Variants in ELMO1 observed in about 807,000 individuals in gnomAD.
The protein encoded by ELMO1 is engulfment and cell motility protein 1.
ELMO1 carries 26 observed loss-of-function variants against 98.9 expected under a neutral mutation model. The ratio of observed to expected loss-of-function variants is 0.26; its 90% CI spans 0.19 to 0.36. The LOEUF is 0.36. ELMO1 is among the 10% of genes least tolerant of loss of function. The pLI is 1.00. For missense variants in ELMO1, 627 were observed against 935.2 expected (o/e 0.67, Z 4.30); for synonymous variants, 346 against 346.0 (o/e 1.00, Z 0.00).
chr7:37,260,317 T>C (rs1354765716), intron 5 of ELMO1, among the ~76,000 whole-genome samples: 2 of 152,206 alleles, frequency 1.3e-5, no homozygotes, highest in East Asian at 1.9e-4. Context: ...AGGGAGAAGA[T>C]AGGGTGTCGA....
intron 16 of ELMO1, among the ~76,000 whole-genome samples, chr7:36,945,607 C>T (rs1787410115): frequency 6.6e-6 from 1 of 152,178 alleles, no homozygotes; most frequent in Admixed American, 6.5e-5. Context: ...TAGTGGCTCA[C>T]TGTGTTTCCC....
At chr7:37,151,333 C>G (rs1788343438) in intron 13 of ELMO1, among the ~76,000 whole-genome samples, 1 of 152,170 alleles carries the variant, frequency 6.6e-6, no homozygotes, top group Admixed American at 6.5e-5. Context: ...GTTCACACTA[C>G]ACTTCACAGT....
intron 1 of ELMO1, among the ~76,000 whole-genome samples, chr7:37,407,736 T>A (rs1803832823): frequency 6.6e-6 from 1 of 152,152 alleles, no homozygotes; most frequent in Admixed American, 6.5e-5. Context: ...TATGACAGAA[T>A]AATGGTGGAT....
chr7:37,357,794 T>C (rs980755522), intron 1 of ELMO1, among the ~76,000 whole-genome samples: 2 of 152,244 alleles, frequency 1.3e-5, no homozygotes, highest in Admixed American at 1.3e-4. Flanking sequence ...TCAGGGTACA[T>C]GCTATCAGCA....
intron 14 of ELMO1, among the ~76,000 whole-genome samples, chr7:37,118,096 A>G (rs557752995): frequency 6.6e-6 from 1 of 152,354 alleles, no homozygotes; most frequent in South Asian, 2.1e-4. Flanking sequence ...ATTGCACATT[A>G]CACACTGTCC....
intron 13 of ELMO1, among the ~76,000 whole-genome samples, chr7:37,176,724 A>G (rs577686626): frequency 6.6e-6 from 1 of 152,368 alleles, no homozygotes; most frequent in East Asian, 1.9e-4. Context: ...AACAGGAAAC[A>G]AAAATAACTA....
intron 16 of ELMO1, among the ~76,000 whole-genome samples, chr7:36,945,113 C>T (rs1216241883): frequency 2.0e-5 from 3 of 152,226 alleles, no homozygotes; most frequent in Non-Finnish European, 2.9e-5. Flanking sequence ...TCATTATTCA[C>T]AGGTGATTTC....
chr7:37,410,182 T>G (rs1803938194), intron 1 of ELMO1, among the ~76,000 whole-genome samples: 2 of 152,234 alleles, frequency 1.3e-5, no homozygotes, highest in Non-Finnish European at 2.9e-5. Context: ...GGCAGGATTA[T>G]TTTATGTAAT....
At chr7:37,195,141 A>G (rs1049964186) in intron 13 of ELMO1, among the ~76,000 whole-genome samples, 1 of 152,144 alleles carries the variant, frequency 6.6e-6, no homozygotes, top group African/African-American at 2.4e-5. Context: ...TAAGAATACA[A>G]CACACTCAGT....
intron 2 of ELMO1, among the ~76,000 whole-genome samples, chr7:37,334,455 G>GA (rs976941702): frequency 2.0e-5 from 3 of 152,022 alleles, no homozygotes; most frequent in South Asian, 4.2e-4. Context: ...TCAACAACAA[G>GA]AAAAAAACCA....
At chr7:37,114,143 G>A (rs80250233) in intron 14 of ELMO1, among the ~76,000 whole-genome samples, 46 of 152,342 alleles carry the variant, frequency 3.0e-4, no homozygotes, top group South Asian at 6.2e-4. Flanking sequence ...GAGGTTGTAG[G>A]CAGATGAGTG....
chr7:37,087,520 C>T (rs1345956076), intron 15 of ELMO1, among the ~76,000 whole-genome samples: 1 of 151,526 alleles, frequency 6.6e-6, no homozygotes, highest in Non-Finnish European at 1.5e-5. Flanking sequence ...ACTATTTTAA[C>T]ATTATTGGGT....
chr7:37,441,361 A>G (rs1805410009), intron 1 of ELMO1, among the ~76,000 whole-genome samples: 2 of 152,188 alleles, frequency 1.3e-5, no homozygotes, highest in Admixed American at 1.3e-4. Context: ...GAAAGTTAAC[A>G]TGGCAAGATT....
At chr7:37,148,789 A>T (rs1788163994) in intron 13 of ELMO1, among the ~76,000 whole-genome samples, 1 of 152,124 alleles carries the variant, frequency 6.6e-6, no homozygotes, top group South Asian at 2.1e-4. Context: ...TTCTTCCCTT[A>T]CTTCCCAGCT....
intron 1 of ELMO1, among the ~76,000 whole-genome samples, chr7:37,447,714 C>CACACACA (rs1554316231): frequency 4.5e-5 from 6 of 132,242 alleles, no homozygotes; most frequent in Admixed American, 1.4e-4. Context: ...CGCGCACACA[C>CACACACA]CACACACACA....
At chr7:37,254,229 A>C (rs1177473394) in intron 6 of ELMO1, among the ~76,000 whole-genome samples, 1 of 152,216 alleles carries the variant, frequency 6.6e-6, no homozygotes, top group East Asian at 1.9e-4. Context: ...GGGGACACCA[A>C]AGATGACCCT....
At chr7:37,125,523 G>C (rs991465812) in intron 14 of ELMO1, among the ~76,000 whole-genome samples, 1 of 152,206 alleles carries the variant, frequency 6.6e-6, no homozygotes, top group Non-Finnish European at 1.5e-5. Context: ...GCAGCCAACA[G>C]ACACATGAAG....
intron 16 of ELMO1, among the ~76,000 whole-genome samples, chr7:36,916,781 T>C (rs1002020778): frequency 5.3e-5 from 8 of 152,204 alleles, no homozygotes; most frequent in Non-Finnish European, 8.8e-5. Flanking sequence ...CTTAGAGAAA[T>C]AGCTGGAAAC....
At chr7:37,043,068 T>C (rs1201534286) in intron 15 of ELMO1, among the ~76,000 whole-genome samples, 1 of 152,176 alleles carries the variant, frequency 6.6e-6, no homozygotes, top group East Asian at 1.9e-4. Flanking sequence ...GCTGCATACA[T>C]ATCTGGTGCC....
Sources: gnomAD v4.1 joint callset for allele counts (sites outside exome capture counted in the v4.1 genomes callset) on GRCh38, gnomAD v4.1.1 for gene constraint, MANE v1.5 for transcripts, NCBI Gene and HGNC (gene_info 2026-07-23, HGNC 2026-07-21) for gene names.